Variants in PDE4B observed in about 807,000 individuals in gnomAD.
The protein encoded by PDE4B is phosphodiesterase 4B.
In PDE4B, 20 loss-of-function variants were observed where a neutral mutation model predicts 82.2. That is an observed-to-expected ratio of 0.24 (90% CI 0.17 to 0.35). The LOEUF (loss-of-function observed/expected upper bound fraction) is 0.35. PDE4B is among the 10% of genes least tolerant of loss of function. The probability of loss-of-function intolerance (pLI) is 1.00; values close to 1 mark genes in which losing one functional copy is unlikely to be tolerated. For synonymous variants in PDE4B, 320 were observed against 318.9 expected, an observed-to-expected ratio of 1.00 and a Z score of -0.04; for missense variants, 655 against 907.2, an observed-to-expected ratio of 0.72 and a Z score of 3.57.
rs77025808 is a variant in PDE4B at position 65,842,975 on chromosome 1, A to T, written c.-71+49727A>T. ...AGGAGTTCCAGACAGAGGGTGTTAC[A>T]TATGCATAGGCACTGGCATTTGAAA... On this transcript the variant is annotated intron_variant, in intron 1 of 16. Transcript: ENST00000341517. Among the ~76,000 whole-genome samples, 1,285 of 152,288 alleles carry T rather than the reference A, an allele frequency of 8.4e-3. 21 individuals carry two copies. The highest frequency in any genetic ancestry group is 0.03 in the African/African-American group (1,231 of 41,582).
intron 1 of PDE4B, among the ~76,000 whole-genome samples, chr1:65,805,218 G>A (rs886212795): frequency 6.6e-6 from 1 of 152,184 alleles, no homozygotes; most frequent in Non-Finnish European, 1.5e-5. Flanking sequence ...ACCCACCTTG[G>A]CCTCCCAAAG....
rs1041118245 is a variant in PDE4B, at chr1:66,170,825, T to C, written c.282-76635T>C. Among the ~76,000 whole-genome samples, 9 of 152,140 alleles carry C rather than the reference T, an allele frequency of 5.9e-5. No homozygotes were observed. The East Asian group carries it at 1.7e-3, about 29-fold the overall frequency. ...TCACAAACTAGAACCAAGCAATAAT[T>C]TGTGTAGTTTTTAAACTGATTTACC... On this transcript the variant is annotated intron_variant, in intron 3 of 16. Transcript: ENST00000341517.
intron 1 of PDE4B, among the ~76,000 whole-genome samples, chr1:65,907,821 C>G (rs948943082): frequency 2.0e-5 from 3 of 152,142 alleles, no homozygotes; most frequent in Non-Finnish European, 4.4e-5. Context: ...GACATTTTCT[C>G]ATCTAAAAGG....
intron 3 of PDE4B, among the ~76,000 whole-genome samples, chr1:65,961,403 G>A (rs1170426467): frequency 6.6e-6 from 1 of 151,950 alleles, no homozygotes; most frequent in Non-Finnish European, 1.5e-5. Flanking sequence ...AAATTATTGG[G>A]TTTTCCATGT....
Position 65,918,817 on chromosome 1 carries a change from C to A in PDE4B, c.263C>A (p.Thr88Lys). The A allele has an allele frequency of 6.2e-7, 1 of 1,607,922 alleles. No homozygotes were observed. The highest frequency in any genetic ancestry group is 8.5e-7 in the Non-Finnish European group (1 of 1,174,300). The change falls in exon 3 of 17, where the codon ACA becomes AAA. Residue 88 changes from threonine (T) to lysine (K), a missense_variant. By Grantham distance (78) the Thr-to-Lys change is moderately conservative. Transcript: ENST00000341517. ...ACAACGCTTCCAAGCATTGCTATTA[C>A]AACTGTAAGCCAGGAGTGGTGAGTA... ...PLTTLPSIAITTVSQECFDVE... is the reference protein window; with the variant it reads ...PLTTLPSIAIKTVSQECFDVE...
intron 3 of PDE4B, among the ~76,000 whole-genome samples, chr1:66,056,848 A>G (rs1655330375): frequency 6.6e-6 from 1 of 152,158 alleles, no homozygotes; most frequent in South Asian, 2.1e-4. Flanking sequence ...AGAAAGGAAC[A>G]TATCCCTGCT....
intron 8 of PDE4B, among the ~76,000 whole-genome samples, chr1:66,337,426 C>G (rs956592279): frequency 1.3e-5 from 2 of 152,218 alleles, no homozygotes; most frequent in Non-Finnish European, 2.9e-5. Flanking sequence ...CTGGGATGTG[C>G]TGCAGGCATA....
At chr1:66,156,614 G>A (rs746042087) in intron 3 of PDE4B, among the ~76,000 whole-genome samples, 8 of 151,788 alleles carry the variant, frequency 5.3e-5, no homozygotes, top group Non-Finnish European at 7.4e-5. Flanking sequence ...AAACAAACCT[G>A]TATATCTTCT....
chr1:66,277,359 T>A (rs1472574636), intron 7 of PDE4B, among the ~76,000 whole-genome samples: 1 of 152,172 alleles, frequency 6.6e-6, no homozygotes, highest in Non-Finnish European at 1.5e-5. Flanking sequence ...TGATCTGATA[T>A]GCATTCTATT....
At chr1:65,970,071 A>G (rs1487678697) in intron 3 of PDE4B, among the ~76,000 whole-genome samples, 4 of 151,952 alleles carry the variant, frequency 2.6e-5, no homozygotes, top group Non-Finnish European at 4.4e-5. Flanking sequence ...TATTATTTTT[A>G]TATTTATTAA....
chr1:66,211,478 C>G (rs1312971263), intron 3 of PDE4B, among the ~76,000 whole-genome samples: 3 of 152,166 alleles, frequency 2.0e-5, no homozygotes, highest in Admixed American at 6.5e-5. Flanking sequence ...CTCTACTTTC[C>G]TGCCTATAGA....
At chr1:65,915,740 A>C (rs775761522) in intron 2 of PDE4B, among the ~76,000 whole-genome samples, 23 of 152,274 alleles carry the variant, frequency 1.5e-4, no homozygotes, top group Non-Finnish European at 2.6e-4. Flanking sequence ...AGGATTTTAC[A>C]CTACCTTTTC....
In PDE4B at chr1:65,883,564, A is replaced by G. The variant is rs1360310399; in HGVS notation, c.-70-29681A>G. Among the ~76,000 whole-genome samples the G allele has an allele frequency of 2.6e-5, 4 of 152,246 alleles. No individual in the cohort carries two copies. In the East Asian group the frequency reaches 5.8e-4, roughly 22 times the overall value. ...ATTTAAGGAGATTTTGGGCTGAGAC[A>G]ATGGGGTTTTCTAGATATACAATCA... On this transcript the variant is annotated intron_variant, in intron 1 of 16. Coordinates refer to ENST00000341517, the MANE Select transcript of PDE4B (RefSeq NM_002600.4).
chr1:65,893,393 C>T (rs1484461691), intron 1 of PDE4B, among the ~76,000 whole-genome samples: 1 of 152,048 alleles, frequency 6.6e-6, no homozygotes. Flanking sequence ...CATCACTAAT[C>T]ATCAGCGAAA....
intron 3 of PDE4B, among the ~76,000 whole-genome samples, chr1:66,201,052 T>C (rs1648885147): frequency 3.9e-5 from 6 of 152,234 alleles, no homozygotes; most frequent in Admixed American, 3.9e-4. Flanking sequence ...GTTTTTGGAA[T>C]GAAGCATTGT....
At chr1:65,884,875 T>C (rs1327523646) in intron 1 of PDE4B, among the ~76,000 whole-genome samples, 7 of 152,148 alleles carry the variant, frequency 4.6e-5, no homozygotes, top group Non-Finnish European at 8.8e-5. Flanking sequence ...CTAATTAAAC[T>C]AAGGAGCTTC....
intron 3 of PDE4B, among the ~76,000 whole-genome samples, chr1:66,160,636 C>T (rs1009839614): frequency 6.6e-6 from 1 of 152,140 alleles, no homozygotes; most frequent in Middle Eastern, 3.4e-3. Context: ...TAAATGTAGA[C>T]AAGCATCTAA....
intron 1 of PDE4B, among the ~76,000 whole-genome samples, chr1:65,841,477 G>A (rs1311447263): frequency 2.0e-5 from 3 of 152,096 alleles, no homozygotes; most frequent in Admixed American, 2.0e-4. Context: ...AGGTACCTGT[G>A]TGATCTTGGG....
At chr1:66,102,446 G>T (rs1645245672) in intron 3 of PDE4B, among the ~76,000 whole-genome samples, 1 of 152,008 alleles carries the variant, frequency 6.6e-6, no homozygotes, top group Non-Finnish European at 1.5e-5. Context: ...AATTCATTTT[G>T]CTGTAAGTAT....
Sources: allele counts gnomAD v4.1 joint callset (sites outside exome capture counted in the v4.1 genomes callset), GRCh38; gene constraint gnomAD v4.1.1; transcripts MANE v1.5; gene names NCBI Gene and HGNC (gene_info 2026-07-23, HGNC 2026-07-21).